FKBP14: variants seen among roughly 807,000 people sequenced by gnomAD.
The protein encoded by FKBP14 is FKBP prolyl isomerase 14, also known as peptidyl-prolyl cis-trans isomerase FKBP14.
FKBP14 carries 20 observed loss-of-function variants against 21.6 expected under a neutral mutation model. That is an observed-to-expected ratio of 0.92 (90% CI 0.65 to 1.34). The LOEUF (loss-of-function observed/expected upper bound fraction) is 1.34, where lower values mean the gene tolerates loss of function less well. FKBP14 is among the 40% of genes most tolerant of loss of function. FKBP14 has a pLI of 0.00. For synonymous variants in FKBP14, 79 were observed against 86.7 expected (o/e 0.91, Z 0.49); for missense variants, 253 against 249.0 (o/e 1.02, Z -0.11).
chr7:30,022,054 A>G lies in FKBP14; in HGVS notation c.349+611T>C, dbSNP rs116591316. On this transcript the variant is annotated intron_variant, in intron 2 of 3. Transcript: ENST00000222803. ...TATGATTTTTTTTAAATACATTGTTAAAAACTTTATAAATAAATTTAAAAA... is the reference window on the plus strand; with the variant it reads ...TATGATTTTTTTTAAATACATTGTTGAAAACTTTATAAATAAATTTAAAAA... 8.5e-3 allele frequency among the ~76,000 whole-genome samples: 1,289 copies of G among 152,336 alleles called. 21 individuals carry two copies. Among genetic ancestry groups the G allele is most frequent in the African/African-American group, 0.03 (1,242 of 41,570 alleles).
At chr7:30,020,006 C>G (rs998111488) in intron 2 of FKBP14, among the ~76,000 whole-genome samples, 1 of 150,944 alleles carries the variant, frequency 6.6e-6, no homozygotes, top group Non-Finnish European at 1.5e-5. Flanking sequence ...GAACCTGAAA[C>G]AAACAAACAA....
At position 30,024,820 on chromosome 7, in the gene FKBP14, C is replaced by T. The variant is rs554024469; in HGVS notation, c.197+1492G>A. The stretch of plus-strand genomic sequence containing the variant: ...AGTAGCAAACTGCTAAATAATATTC[C>T]ATGGCTACCACCAAAGTCAGCACAG... On this transcript the variant is annotated intron_variant, in intron 1 of 3. Coordinates refer to ENST00000222803, the MANE Select transcript of FKBP14 (RefSeq NM_017946.4). 2.6e-5 allele frequency among the ~76,000 whole-genome samples: 4 copies of T among 152,346 alleles called. No individual in the cohort carries two copies. In the South Asian group the frequency reaches 8.3e-4, roughly 32 times the overall value.
chr7:30,018,202 C>A (rs1040370992), intron 3 of FKBP14, among the ~76,000 whole-genome samples: 2 of 151,918 alleles, frequency 1.3e-5, no homozygotes, highest in Admixed American at 1.3e-4. Flanking sequence ...ACCCCTGGTT[C>A]GTAACAATTT....
At chr7:30,020,606 TAATA>T (rs1177147239) in intron 2 of FKBP14, among the ~76,000 whole-genome samples, 8 of 152,130 alleles carry the variant, frequency 5.3e-5, no homozygotes, top group African/African-American at 1.9e-4. Flanking sequence ...AGATTAAAAA[TAATA>T]AAATAGAACA....
chr7:30,024,424 G>A (rs141107604), intron 1 of FKBP14, among the ~76,000 whole-genome samples: 249 of 152,198 alleles, frequency 1.6e-3, no homozygotes, highest in African/African-American at 5.1e-3. Context: ...TCTTCAGAGC[G>A]GAGTCTCGCT....
intron 2 of FKBP14, among the ~76,000 whole-genome samples, chr7:30,021,753 C>T (rs186669750): frequency 1.2e-4 from 18 of 152,246 alleles, no homozygotes; most frequent in African/African-American, 4.3e-4. Flanking sequence ...CAGGGTTTCA[C>T]CATGTTGGCC....
chr7:30,009,205 T>C (rs1008095779), downstream of FKBP14, among the ~76,000 whole-genome samples: 1 of 152,120 alleles, frequency 6.6e-6, no homozygotes, highest in Non-Finnish European at 1.5e-5. Flanking sequence ...TTTTAGTTTT[T>C]TGTTTCTCCC....
rs1257122098 is a variant in FKBP14, at chr7:30,011,028, C to T, written c.*3707G>A. 2.6e-5 allele frequency: 4 copies of T among 152,002 alleles called. No individual in the cohort carries two copies. The highest frequency in any genetic ancestry group is 4.4e-5 in the Non-Finnish European group (3 of 67,974). 9.4% of individuals were successfully genotyped at this position (152,002 alleles called of 1,614,324 possible). On this transcript the variant is annotated 3_prime_UTR_variant, in exon 4 of 4. Coordinates refer to ENST00000222803, the MANE Select transcript of FKBP14 (RefSeq NM_017946.4). ...AGCTAAGGTTAGTTTTTTATTATTT[C>T]TATAAAAATTATAGAATTTTTTTTT...
At chr7:30,018,922 CAAAAA>C (rs1789959574) in intron 3 of FKBP14, 69 bp downstream of exon 3, 1 of 1,519,574 alleles carries the variant, frequency 6.6e-7, no homozygotes, top group South Asian at 1.2e-5. Context: ...AAGTGAGTTA[CAAAAA>C]CAAAACAAAA....
Position 30,020,181 on chromosome 7 carries a change from A to C in FKBP14, c.350-1058T>G, listed in dbSNP as rs141962732. ...ATGAAAGAACATTCATAAATTCCAA[A>C]GAGAAGACTTATAAAGTGTGCTGAA... On this transcript the variant is annotated intron_variant, in intron 2 of 3. Transcript: ENST00000222803. 8,475 of 1,089,452 alleles carry C rather than the reference A, an allele frequency of 7.8e-3. 47 individuals are homozygous for C. The highest frequency in any genetic ancestry group is 0.012 in the Middle Eastern group (47 of 4,024). 67.5% of individuals were successfully genotyped at this position (1,089,452 alleles called of 1,614,324 possible).
rs1381235543 is a variant in FKBP14, at chr7:30,013,360, C to G, written c.*1375G>C. The G allele has an allele frequency of 1.3e-5, 2 of 152,086 alleles. No individual in the cohort carries two copies. Among genetic ancestry groups the G allele is most frequent in the Non-Finnish European group, 2.9e-5 (2 of 68,094 alleles). 9.4% of individuals were successfully genotyped at this position (152,086 alleles called of 1,614,324 possible). On this transcript the variant is annotated 3_prime_UTR_variant, in exon 4 of 4. Transcript: ENST00000222803. The stretch of plus-strand genomic sequence containing the variant: ...CGCCTCCCGGGTTCAAGCAAATCTC[C>G]TGTCTCAGCCTCCCGAGTAGCTGGG...
chr7:30,006,826 G>A (rs1322929293), downstream of FKBP14, among the ~76,000 whole-genome samples: 1 of 152,114 alleles, frequency 6.6e-6, no homozygotes, highest in Non-Finnish European at 1.5e-5. Context: ...CCTTAGATCG[G>A]CTCAACTGTT....
At chr7:30,009,002 A>G (rs1347020020), downstream of FKBP14, among the ~76,000 whole-genome samples, 2 of 152,134 alleles carry the variant, frequency 1.3e-5, no homozygotes, top group African/African-American at 2.4e-5. Context: ...TAGAAATACT[A>G]TAATAGTAAT....
chr7:30,019,228 C>G (rs1375036448), intron 2 of FKBP14, 105 bp from the exon 3 acceptor site: 10 of 1,098,792 alleles, frequency 9.1e-6, no homozygotes, highest in Non-Finnish European at 1.3e-5. Context: ...AATTAAAGAG[C>G]CTTCCTAAGA....
rs575057856 is a variant in FKBP14, at chr7:30,014,228, A to G, written c.*507T>C. 24 of 152,414 alleles carry G rather than the reference A, an allele frequency of 1.6e-4. No homozygotes were observed. In the South Asian group the frequency reaches 5.0e-3, roughly 32 times the overall value. 9.4% of individuals were successfully genotyped at this position (152,414 alleles called of 1,614,324 possible). A position where few individuals can be genotyped will look rare whatever the true frequency, so the allele number is the denominator to read the frequency against. On this transcript the variant is annotated 3_prime_UTR_variant, in exon 4 of 4. Coordinates refer to ENST00000222803, the MANE Select transcript of FKBP14 (RefSeq NM_017946.4). Reference sequence around the variant, plus strand: ...GTAAAGCAGTAGCCATTAACAAGTCAGGTCCAACAACCATTTTCCTCTGGT... The same window carrying G: ...GTAAAGCAGTAGCCATTAACAAGTCGGGTCCAACAACCATTTTCCTCTGGT...
At chr7:30,026,091 A>C (rs555713824) in intron 1 of FKBP14, among the ~76,000 whole-genome samples, 6 of 152,374 alleles carry the variant, frequency 3.9e-5, no homozygotes, top group African/African-American at 1.2e-4. Flanking sequence ...AAAAAAAATT[A>C]ACAGCCTTTT....
chr7:30,014,941 A>C, intron 3 of FKBP14, 48 bp from the exon 4 acceptor site: 1 of 1,312,278 alleles, frequency 7.6e-7, no homozygotes, highest in East Asian at 2.4e-5. Flanking sequence ...TAAGATACCC[A>C]CATTGAGCCA....
In FKBP14 at chr7:30,012,934, G is replaced by A. The variant is rs1789778126; in HGVS notation, c.*1801C>T. 6.6e-6 allele frequency: 1 copy of A among 152,196 alleles called. No homozygotes were observed. Among genetic ancestry groups the A allele is most frequent in the African/African-American group, 2.4e-5 (1 of 41,454 alleles). The allele number at this position is 152,196 out of a possible 1,614,324, so 9.4% of individuals were successfully genotyped here. On this transcript the variant is annotated 3_prime_UTR_variant, in exon 4 of 4. Transcript: ENST00000222803. ...GTAGAAGACACTGAACTTGGGGACT[G>A]AATACTGGTTCTGCAGGTTAGTGCT...
At chr7:30,015,338 A>G (rs1789852867) in intron 3 of FKBP14, among the ~76,000 whole-genome samples, 1 of 151,992 alleles carries the variant, frequency 6.6e-6, no homozygotes, top group African/African-American at 2.4e-5. Flanking sequence ...GAATCGCTTG[A>G]ACCTGGAAGG....
Sources: allele counts gnomAD v4.1 joint callset (sites outside exome capture counted in the v4.1 genomes callset), GRCh38; gene constraint gnomAD v4.1.1; transcripts MANE v1.5; gene names NCBI Gene and HGNC (gene_info 2026-07-23, HGNC 2026-07-21).